POU6F2: variants seen among roughly 807,000 people sequenced by gnomAD.
POU6F2 encodes POU class 6 homeobox 2.
A neutral mutation model predicts 71.3 loss-of-function variants in POU6F2; 31 were observed. That is an observed-to-expected ratio of 0.43 (90% CI 0.33 to 0.59). The LOEUF (loss-of-function observed/expected upper bound fraction) is 0.59. POU6F2 is among the 20% of genes least tolerant of loss of function. The pLI is 0.04. For missense variants in POU6F2, 783 were observed against 856.8 expected (o/e 0.91, Z 1.07); for synonymous variants, 347 against 355.7 (o/e 0.98, Z 0.27).
intron 5 of POU6F2, among the ~76,000 whole-genome samples, chr7:39,357,145 T>A (rs530340613): frequency 6.6e-6 from 1 of 152,190 alleles, no homozygotes; most frequent in East Asian, 1.9e-4. Context: ...AAAATGAAAA[T>A]GGATCTCCTA....
At chr7:39,155,893 C>T (rs1792859162) in intron 2 of POU6F2, among the ~76,000 whole-genome samples, 1 of 152,058 alleles carries the variant, frequency 6.6e-6, no homozygotes. Flanking sequence ...ATTAGCCACC[C>T]ATATTAAACA....
chr7:39,193,238 G>C (rs1211394780), intron 2 of POU6F2, among the ~76,000 whole-genome samples: 1 of 151,998 alleles, frequency 6.6e-6, no homozygotes, highest in East Asian at 1.9e-4. Flanking sequence ...TTATTTCTTA[G>C]GAATTTGGTC....
chr7:39,413,655 CTA>C (rs1362668831), intron 6 of POU6F2, among the ~76,000 whole-genome samples: 1 of 151,998 alleles, frequency 6.6e-6, no homozygotes, highest in East Asian at 1.9e-4. Context: ...GTTGTGTGAA[CTA>C]TATACTTCAA....
chr7:39,182,419 TG>T (rs771599441), intron 2 of POU6F2, among the ~76,000 whole-genome samples: 7 of 152,208 alleles, frequency 4.6e-5, no homozygotes, highest in Non-Finnish European at 1.0e-4. Flanking sequence ...CAGCCCTCAC[TG>T]AAATGCAGTC....
chr7:39,260,922 C>G (rs1253533218), intron 4 of POU6F2, among the ~76,000 whole-genome samples: 2 of 151,638 alleles, frequency 1.3e-5, no homozygotes, highest in Non-Finnish European at 2.9e-5. Flanking sequence ...TCATATTATA[C>G]ACATCTCACA....
At chr7:39,258,268 A>G (rs977873521) in intron 4 of POU6F2, among the ~76,000 whole-genome samples, 14 of 152,234 alleles carry the variant, frequency 9.2e-5, no homozygotes, top group African/African-American at 1.9e-4. Context: ...CAGAGGCAAC[A>G]GCACTATACT....
chr7:39,001,501 GA>G (rs1035580125), intron 1 of POU6F2, among the ~76,000 whole-genome samples: 7 of 152,160 alleles, frequency 4.6e-5, no homozygotes, highest in African/African-American at 1.7e-4. Context: ...CACCAGAAAG[GA>G]AATGAAAATT....
At chr7:39,310,172 C>A (rs1223075203) in intron 4 of POU6F2, among the ~76,000 whole-genome samples, 1 of 152,064 alleles carries the variant, frequency 6.6e-6, no homozygotes, top group Non-Finnish European at 1.5e-5. Flanking sequence ...CAGTGCTTTA[C>A]AATGAGCGGA....
At chr7:39,041,193 T>C (rs937018324) in intron 1 of POU6F2, among the ~76,000 whole-genome samples, 4 of 151,934 alleles carry the variant, frequency 2.6e-5, no homozygotes, top group African/African-American at 9.7e-5. Context: ...CTTTATCTGA[T>C]TTTTTTTATG....
intron 2 of POU6F2, among the ~76,000 whole-genome samples, chr7:39,103,833 A>G (rs1791623193): frequency 6.6e-6 from 1 of 152,178 alleles, no homozygotes; most frequent in Non-Finnish European, 1.5e-5. Context: ...ACATTTTTCT[A>G]AAACTGATAT....
chr7:39,358,121 C>T (rs1016136244), intron 5 of POU6F2, among the ~76,000 whole-genome samples: 1 of 152,074 alleles, frequency 6.6e-6, no homozygotes, highest in African/African-American at 2.4e-5. Flanking sequence ...GGAAGTATGA[C>T]CACTGACTGG....
At chr7:39,409,809 A>G (rs533794145) in intron 6 of POU6F2, among the ~76,000 whole-genome samples, 22 of 152,356 alleles carry the variant, frequency 1.4e-4, no homozygotes, top group Admixed American at 7.8e-4. Context: ...CTATCTTGGC[A>G]TCTGACTCTG....
At chr7:39,182,631 T>G (rs1458313089) in intron 2 of POU6F2, among the ~76,000 whole-genome samples, 1 of 152,196 alleles carries the variant, frequency 6.6e-6, no homozygotes, top group Non-Finnish European at 1.5e-5. Flanking sequence ...CTCTGGATTC[T>G]TATCTCACCT....
chr7:39,449,093 G>T (rs191192466), intron 7 of POU6F2, among the ~76,000 whole-genome samples: 1 of 152,244 alleles, frequency 6.6e-6, no homozygotes, highest in Non-Finnish European at 1.5e-5. Context: ...CCTCTACTTC[G>T]CATAGCTGAG....
intron 1 of POU6F2, among the ~76,000 whole-genome samples, chr7:39,051,675 AT>A (rs1172955063): frequency 1.3e-5 from 2 of 151,990 alleles, no homozygotes; most frequent in African/African-American, 4.8e-5. Context: ...TATTCCTTTT[AT>A]TTTGATTGCC....
rs75560226 is a variant in POU6F2, at chr7:39,460,222, G to A, written c.1490-325G>A. Among the ~76,000 whole-genome samples the A allele has an allele frequency of 1.3e-5, 2 of 152,240 alleles. No individual in the cohort carries two copies. The highest frequency in any genetic ancestry group is 2.1e-4 in the South Asian group (1 of 4,826). ...ACATACTTATGGGCAAAATGGAGTC[G>A]CATTCCCATAGCAAGTGCCTCCCAG... On this transcript the variant is annotated intron_variant, in intron 8 of 9. Transcript: ENST00000518318. This position sits in a 1 kb window ranked among gnomAD's most constrained non-coding sequence, Gnocchi z 4.4.
intron 6 of POU6F2, among the ~76,000 whole-genome samples, chr7:39,414,011 G>A (rs1437871939): frequency 6.6e-6 from 1 of 152,154 alleles, no homozygotes; most frequent in African/African-American, 2.4e-5. Context: ...GTCTCGCGTG[G>A]GACCCACCCG....
intron 4 of POU6F2, among the ~76,000 whole-genome samples, chr7:39,327,810 C>G (rs1785543304): frequency 6.6e-6 from 1 of 151,518 alleles, no homozygotes; most frequent in South Asian, 2.1e-4. Context: ...GTGGACCCCC[C>G]CGCCAATAAT....
intron 4 of POU6F2, among the ~76,000 whole-genome samples, chr7:39,257,582 G>T (rs549779845): frequency 3.3e-5 from 5 of 151,972 alleles, no homozygotes; most frequent in Non-Finnish European, 5.9e-5. Flanking sequence ...GCACAAACTC[G>T]TGCTCCATAT....
Sources: gnomAD v4.1 joint callset for allele counts (sites outside exome capture counted in the v4.1 genomes callset) on GRCh38, gnomAD v4.1.1 for gene constraint, Gnocchi (gnomAD v3.1) non-coding constraint, MANE v1.5 for transcripts, NCBI Gene and HGNC (gene_info 2026-07-23, HGNC 2026-07-21) for gene names.